The following SCOC variants were observed in gnomAD, a reference collection of about 807,000 sequenced individuals.
The protein encoded by SCOC is short coiled coil protein.
In SCOC, 7 loss-of-function variants were observed where a neutral mutation model predicts 9.9. That is an observed-to-expected ratio of 0.71 (90% CI 0.40 to 1.33). SCOC has a LOEUF of 1.33. SCOC is among the 40% of genes most tolerant of loss of function. SCOC has a pLI of 0.01. For missense variants in SCOC, 66 were observed against 89.7 expected (o/e 0.74, Z 1.07); for synonymous variants, 19 against 28.2 (o/e 0.67, Z 1.03).
At chr4:140,306,288 C>T (rs1009221488) in intron 1 of SCOC, among the ~76,000 whole-genome samples, 3 of 152,018 alleles carry the variant, frequency 2.0e-5, no homozygotes, top group Non-Finnish European at 2.9e-5. Flanking sequence ...CAGGAAAGAC[C>T]CACCCCTTGA....
At chr4:140,380,155 G>C (rs903909337) in intron 3 of SCOC, among the ~76,000 whole-genome samples, 2 of 147,872 alleles carry the variant, frequency 1.4e-5, no homozygotes. Flanking sequence ...GTTAATAAAA[G>C]TCATCTGTGA....
At position 140,373,681 on chromosome 4, in the gene SCOC, G is replaced by T. The variant is rs535662293; in HGVS notation, c.-87G>T. 7 of 1,550,690 alleles carry T rather than the reference G, an allele frequency of 4.5e-6. No individual in the cohort carries two copies. Among genetic ancestry groups the T allele is most frequent in the African/African-American group, 1.4e-5 (1 of 73,154 alleles). On this transcript the variant is annotated 5_prime_UTR_variant, in exon 1 of 4. Transcript: ENST00000608372. ...CCAAGTGTCCCGGCCTGAGGTGTCG[G>T]CCGGATCCCTCCTTCTCCCGGCGCC...
chr4:140,277,292 C>G (rs1433129625), intron 1 of SCOC, among the ~76,000 whole-genome samples: 2 of 152,080 alleles, frequency 1.3e-5, no homozygotes, highest in African/African-American at 4.8e-5. Flanking sequence ...AGGCTGCAGA[C>G]CCCCCTCCCC....
At chr4:140,281,420 A>T (rs1244159244) in intron 1 of SCOC, among the ~76,000 whole-genome samples, 1 of 152,204 alleles carries the variant, frequency 6.6e-6, no homozygotes, top group Non-Finnish European at 1.5e-5. Context: ...TCACAGAAAA[A>T]TGAATAGGTT....
intron 1 of SCOC, among the ~76,000 whole-genome samples, chr4:140,320,477 A>G (rs934077349): frequency 6.6e-6 from 1 of 152,160 alleles, no homozygotes; most frequent in African/African-American, 2.4e-5. Context: ...CTTGCACAAG[A>G]TCCAAGAACC....
intron 1 of SCOC, among the ~76,000 whole-genome samples, chr4:140,375,202 A>G (rs1159544410): frequency 5.3e-5 from 8 of 152,202 alleles, no homozygotes; most frequent in Non-Finnish European, 1.2e-4. Flanking sequence ...TTGATTTTGT[A>G]AAATGAAGCA....
At chr4:140,277,257 T>C (rs1226537522) in intron 1 of SCOC, among the ~76,000 whole-genome samples, 1 of 152,106 alleles carries the variant, frequency 6.6e-6, no homozygotes, top group Non-Finnish European at 1.5e-5. Flanking sequence ...GGAATATAAC[T>C]TTCAGGTAGA....
intron 1 of SCOC, among the ~76,000 whole-genome samples, chr4:140,302,563 A>C (rs561551880): frequency 2.0e-5 from 3 of 152,224 alleles, no homozygotes; most frequent in Non-Finnish European, 4.4e-5. Context: ...CATACATGAA[A>C]CTTTAGGTAA....
chr4:140,334,977 T>A (rs1449891815), intron 1 of SCOC, among the ~76,000 whole-genome samples: 2 of 152,268 alleles, frequency 1.3e-5, no homozygotes, highest in East Asian at 3.9e-4. Flanking sequence ...AATCTTGCAA[T>A]ATGCAACAAC....
In SCOC at chr4:140,349,236, C is replaced by T. The variant is rs552371003; in HGVS notation, c.70+5528C>T. On this transcript the variant is annotated intron_variant, in intron 2 of 4. Transcript: ENST00000338517. ...TGAGGCTCCCTGGAGAGCATGTGCCCGGCTCAAAAGGCAGAGCTGCTTTCT... is the reference window on the plus strand; with the variant it reads ...TGAGGCTCCCTGGAGAGCATGTGCCTGGCTCAAAAGGCAGAGCTGCTTTCT... 4.6e-5 allele frequency among the ~76,000 whole-genome samples: 7 copies of T among 152,214 alleles called. No homozygotes were observed. The South Asian group carries it at 6.2e-4, about 14-fold the overall frequency.
At chr4:140,366,874 G>T in intron 2 of SCOC, 1 of 732,758 alleles carries the variant, frequency 1.4e-6, no homozygotes, top group South Asian at 1.5e-5. Flanking sequence ...GGTGGCGTTT[G>T]GCAAGAAGGA....
chr4:140,366,745 T>G, intron 2 of SCOC: 4 of 1,550,788 alleles, frequency 2.6e-6, no homozygotes, highest in Non-Finnish European at 3.6e-6. Flanking sequence ...GCAAGGTCCA[T>G]CAACCAAAGC....
chr4:140,340,407 A>G (rs1032411237), upstream of SCOC, among the ~76,000 whole-genome samples: 3 of 152,040 alleles, frequency 2.0e-5, no homozygotes, highest in Admixed American at 1.3e-4. Context: ...TACATGTTGT[A>G]TATATATGTA....
At chr4:140,359,194 G>C (rs900518390) in intron 2 of SCOC, among the ~76,000 whole-genome samples, 4 of 152,142 alleles carry the variant, frequency 2.6e-5, no homozygotes, top group African/African-American at 9.7e-5. Context: ...CTCTCCTGCA[G>C]CTACAGTCAG....
chr4:140,294,709 G>A lies in SCOC; in HGVS notation c.-19+37299G>A, dbSNP rs566516577. Among the ~76,000 whole-genome samples, 5 of 152,234 alleles carry A rather than the reference G, an allele frequency of 3.3e-5. 1 individual carries two copies. Among genetic ancestry groups the A allele is most frequent in the African/African-American group, 1.2e-4 (5 of 41,542 alleles). On this transcript the variant is annotated intron_variant, in intron 1 of 4. Transcript: ENST00000394205. ...AAGTTCTAGGTTCATGGGATTTCAA[G>A]GTTAGAAAGGACCACATAAACCGTG...
intron 1 of SCOC, among the ~76,000 whole-genome samples, chr4:140,329,845 C>T (rs527578378): frequency 6.6e-6 from 1 of 152,214 alleles, no homozygotes; most frequent in African/African-American, 2.4e-5. Flanking sequence ...TTTTACACTG[C>T]TGGGAACTGG....
intron 1 of SCOC, among the ~76,000 whole-genome samples, chr4:140,326,136 A>C (rs1308613253): frequency 6.6e-6 from 1 of 152,238 alleles, no homozygotes; most frequent in Non-Finnish European, 1.5e-5. Flanking sequence ...AACTATAGGG[A>C]TAGAAAACAG....
At chr4:140,272,231 T>C (rs1407726227) in intron 1 of SCOC, among the ~76,000 whole-genome samples, 1 of 151,760 alleles carries the variant, frequency 6.6e-6, no homozygotes, top group African/African-American at 2.4e-5. Flanking sequence ...AATTTTTTTT[T>C]TTTTTTATAG....
At chr4:140,264,609 A>T (rs1383940272) in intron 1 of SCOC, among the ~76,000 whole-genome samples, 2 of 152,210 alleles carry the variant, frequency 1.3e-5, no homozygotes, top group Non-Finnish European at 2.9e-5. Context: ...GGTTACAAGG[A>T]TAGGGATACT....
Sources: gnomAD v4.1 joint callset for allele counts (sites outside exome capture counted in the v4.1 genomes callset) on GRCh38, gnomAD v4.1.1 for gene constraint, MANE v1.5 for transcripts, NCBI Gene and HGNC (gene_info 2026-07-23, HGNC 2026-07-21) for gene names.